Variants in NOXRED1 observed in about 807,000 individuals in gnomAD.
NOXRED1 encodes the protein NADP-dependent oxidoreductase domain-containing protein 1.
In NOXRED1, 20 loss-of-function variants were observed where a neutral mutation model predicts 30.4. The observed-to-expected ratio is 0.66, with a 90% confidence interval of 0.46 to 0.96. The LOEUF (loss-of-function observed/expected upper bound fraction) is 0.96, where lower values mean the gene tolerates loss of function less well. Among genes scored for constraint, NOXRED1 ranks in the 40% least tolerant of loss-of-function variants. The pLI is 0.00. For missense variants in NOXRED1, 374 were observed against 428.0 expected (o/e 0.87, Z 1.11); for synonymous variants, 155 against 168.0 (o/e 0.92, Z 0.60).
chr14:77,402,493 G>A (rs1894354052), intron 5 of NOXRED1, among the ~76,000 whole-genome samples: 1 of 152,112 alleles, frequency 6.6e-6, no homozygotes, highest in South Asian at 2.1e-4. Flanking sequence ...AATTAGCCAG[G>A]CATGGTGGTG....
intron 2 of NOXRED1, among the ~76,000 whole-genome samples, chr14:77,409,400 C>T (rs1347892286): frequency 1.3e-5 from 2 of 152,122 alleles, no homozygotes; most frequent in African/African-American, 4.8e-5. Context: ...TCTCTCCTGC[C>T]ACCTTGTGAA....
intron 2 of NOXRED1, among the ~76,000 whole-genome samples, chr14:77,408,880 C>A: frequency 1.4e-5 from 1 of 70,998 alleles, no homozygotes; most frequent in African/African-American, 4.3e-5. Flanking sequence ...TAAAAACACT[C>A]ACTGGTAGTT....
chr14:77,407,802 A>G (rs545564774), intron 2 of NOXRED1, among the ~76,000 whole-genome samples, 157 bp from the exon 3 acceptor site: 2 of 152,156 alleles, frequency 1.3e-5, no homozygotes, highest in South Asian at 4.1e-4. Flanking sequence ...GACCTTCTAA[A>G]AGCCACGCAG....
intron 1 of NOXRED1, among the ~76,000 whole-genome samples, chr14:77,419,446 C>CTT (rs35341872): frequency 1.2e-3 from 108 of 91,508 alleles, no homozygotes; most frequent in African/African-American, 2.1e-3. Flanking sequence ...TTTCTTTTTC[C>CTT]TTTTTTTTTT....
intron 5 of NOXRED1, among the ~76,000 whole-genome samples, chr14:77,402,892 G>A (rs148487687): frequency 0.013 from 1,974 of 148,732 alleles, 43 homozygotes; most frequent in African/African-American, 0.047. Flanking sequence ...AAAATTAGCC[G>A]GGTGTGGTGG....
At chr14:77,419,194 T>C (rs1894917361) in intron 1 of NOXRED1, among the ~76,000 whole-genome samples, 1 of 151,010 alleles carries the variant, frequency 6.6e-6, no homozygotes, top group African/African-American at 2.4e-5. Flanking sequence ...TGCCTCAGCC[T>C]CCCAAGTATC....
At chr14:77,422,405 GATAAGGAATGGCTAGAC>G (rs1431107028) in intron 1 of NOXRED1, among the ~76,000 whole-genome samples, 3 of 152,214 alleles carry the variant, frequency 2.0e-5, no homozygotes, top group Non-Finnish European at 4.4e-5. Flanking sequence ...CTTGCCAATA[GATAAGGAATGGCTAGAC>G]ATTAGCAACT....
intron 5 of NOXRED1, among the ~76,000 whole-genome samples, chr14:77,397,326 A>G (rs373159402): frequency 2.0e-5 from 3 of 152,376 alleles, no homozygotes; most frequent in South Asian, 4.1e-4. Context: ...CTTATATAAC[A>G]TTCTTGAAAT....
intron 1 of NOXRED1, among the ~76,000 whole-genome samples, chr14:77,419,545 T>G (rs1894930064): frequency 2.0e-5 from 3 of 149,462 alleles, no homozygotes; most frequent in Non-Finnish European, 1.5e-5. Context: ...GCCTCCCGGG[T>G]TCACGCCATT....
At chr14:77,395,706 G>A (rs749511479) in intron 5 of NOXRED1, among the ~76,000 whole-genome samples, 14 of 151,796 alleles carry the variant, frequency 9.2e-5, no homozygotes, top group Non-Finnish European at 8.8e-5. Context: ...AGGAGGCTGA[G>A]GTGGGAAATT....
rs1894136992 is a variant in NOXRED1, at chr14:77,394,782, G to A, written c.929C>T (p.Thr310Ile). ...CGGAGTTTCCTTGAGTTGCACAGCA[G>A]TCAGATCAAACCAGGGGAAAGGCCT... is the stretch of plus-strand genomic sequence containing the variant. ...QERPFPWFDL[T>I]AVQLKETPFS... is the part of the protein sequence containing the mutation. Residue 310 changes from threonine (T) to isoleucine (I), a missense_variant, in exon 6 of 6, where the codon ACT becomes ATT. By Grantham distance (89) the Thr-to-Ile change is moderately conservative (BLOSUM62 -1). Transcript: ENST00000380835. The A allele has an allele frequency of 1.2e-6, 2 of 1,613,556 alleles. No homozygotes were observed. Among genetic ancestry groups the A allele is most frequent in the Non-Finnish European group, 1.7e-6 (2 of 1,179,514 alleles).
In NOXRED1 at chr14:77,407,635, C is replaced by T. The variant is rs1894510588; in HGVS notation, c.360G>A (p.Gln120=). The T allele has an allele frequency of 6.2e-7, 1 of 1,613,884 alleles. No homozygotes were observed. The highest frequency in any genetic ancestry group is 1.3e-5 in the African/African-American group (1 of 75,044). ...GGTAAAAGCATTTGATTCCCAGCTT[C>T]TGGAGCTCACCTGGGAGGGATAAAG... The part of the protein sequence containing the change: ...TRRPETLGEL[Q]KLGIKCFYHN... The change falls in exon 3 of 6, where the codon CAG becomes CAA. Residue 120 remains glutamine, a synonymous_variant. Transcript: ENST00000380835.
chr14:77,405,828 A>C (rs1032610859), intron 5 of NOXRED1, 85 bp downstream of exon 5: 14 of 804,986 alleles, frequency 1.7e-5, no homozygotes, highest in Non-Finnish European at 2.9e-5. Flanking sequence ...GTTTAAAGAG[A>C]ACATGAAAGG....
In NOXRED1 at chr14:77,394,783, T is replaced by A; in HGVS notation, c.928A>T (p.Thr310Ser). 1 of 1,613,582 alleles carries A rather than the reference T, an allele frequency of 6.2e-7. No homozygotes were observed. ...QERPFPWFDL[T>S]AVQLKETPFS... The stretch of plus-strand genomic sequence containing the variant: ...GGAGTTTCCTTGAGTTGCACAGCAG[T>A]CAGATCAAACCAGGGGAAAGGCCTG... Residue 310 changes from threonine (T) to serine (S), a missense_variant, in exon 6 of 6, where the codon ACT becomes TCT. Coordinates refer to ENST00000380835, the MANE Select transcript of NOXRED1 (RefSeq NM_001113475.3).
intron 5 of NOXRED1, among the ~76,000 whole-genome samples, chr14:77,403,164 A>G (rs1894371612): frequency 6.6e-6 from 1 of 152,212 alleles, no homozygotes; most frequent in Non-Finnish European, 1.5e-5. Context: ...GGAAACTGAT[A>G]AAATTTGAAA....
At chr14:77,395,959 G>A (rs563385057) in intron 5 of NOXRED1, among the ~76,000 whole-genome samples, 1 of 152,182 alleles carries the variant, frequency 6.6e-6, no homozygotes, top group South Asian at 2.1e-4. Flanking sequence ...GTGCGCACCT[G>A]TAGTCCCAGC....
chr14:77,409,126 T>G (rs1222010426), intron 2 of NOXRED1, among the ~76,000 whole-genome samples: 2 of 152,118 alleles, frequency 1.3e-5, no homozygotes, highest in African/African-American at 4.8e-5. Flanking sequence ...GAGTGACTTC[T>G]TATGTTAACC....
Position 77,394,808 on chromosome 14 carries a change from G to A in NOXRED1, c.906-3C>T, listed in dbSNP as rs191813071. On this transcript the variant is annotated splice_region_variant and splice_polypyrimidine_tract_variant and intron_variant, in intron 5 of 5. Transcript: ENST00000380835. ...TCAGATCAAACCAGGGGAAAGGCCT[G>A]AGGTGAAAAAAATATTGTTACTTTT... The A allele has an allele frequency of 6.2e-7, 1 of 1,606,080 alleles. No homozygotes were observed. The highest frequency in any genetic ancestry group is 1.7e-5 in the Admixed American group (1 of 58,542).
At chr14:77,396,513 T>C (rs1894191392) in intron 5 of NOXRED1, among the ~76,000 whole-genome samples, 1 of 152,102 alleles carries the variant, frequency 6.6e-6, no homozygotes, top group Non-Finnish European at 1.5e-5. Flanking sequence ...CCTCCCAAAG[T>C]GCTGGGATTA....
Sources: gnomAD v4.1 joint callset for allele counts (sites outside exome capture counted in the v4.1 genomes callset) on GRCh38, gnomAD v4.1.1 for gene constraint, MANE v1.5 for transcripts, NCBI Gene and HGNC (gene_info 2026-07-23, HGNC 2026-07-21) for gene names.